The following ERICH1 variants were observed in gnomAD, a reference collection of about 807,000 sequenced individuals.
ERICH1 encodes the protein glutamate rich 1.
In ERICH1, 56 loss-of-function variants were observed where a neutral mutation model predicts 39.6. The observed-to-expected ratio is 1.41, with a 90% CI of 1.14 to 1.77. The LOEUF (loss-of-function observed/expected upper bound fraction) is 1.77, where lower values mean the gene tolerates loss of function less well. ERICH1 is among the 40% of genes most tolerant of loss of function. The pLI is 0.00. For synonymous variants in ERICH1, 313 were observed against 223.6 expected (o/e 1.40, Z -3.57); for missense variants, 826 against 575.4 (o/e 1.44, Z -4.45).
chr8:645,562 C>A (rs1408250370), intron 3 of ERICH1, among the ~76,000 whole-genome samples: 1 of 67,960 alleles, frequency 1.5e-5, no homozygotes, highest in Non-Finnish European at 4.6e-5. Context: ...AATCATCCTC[C>A]CATTGTTCCC....
chr8:707,208 C>CTTTTTTTTTTTT lies in ERICH1; in HGVS notation c.169+8641_169+8652dup, dbSNP rs71528615. On this transcript the variant is annotated intron_variant, in intron 2 of 5. Coordinates refer to ENST00000262109, the MANE Select transcript of ERICH1 (RefSeq NM_207332.3). ...TGTGGCCAACTGATTTTTTTTGTTT[C>CTTTTTTTTTTTT]TTTTTTTTTTTTTTTTTTAGACAGA... 1.5e-5 allele frequency among the ~76,000 whole-genome samples: 2 copies of CTTTTTTTTTTTT among 136,422 alleles called. 1 individual carries two copies. The highest frequency in any genetic ancestry group is 3.1e-5 in the Non-Finnish European group (2 of 64,142). The allele number at this position is 136,422 out of a possible 152,430, so 89.5% of individuals were successfully genotyped here. A position where few individuals can be genotyped will look rare whatever the true frequency, so the allele number is the denominator to read the frequency against.
At chr8:669,846 T>C (rs1189935255) in intron 4 of ERICH1, among the ~76,000 whole-genome samples, 1 of 152,260 alleles carries the variant, frequency 6.6e-6, no homozygotes, top group East Asian at 1.9e-4. Flanking sequence ...GCAGTATGAC[T>C]GCAATTCACT....
At chr8:622,213 T>C (rs993182817) in intron 3 of ERICH1, among the ~76,000 whole-genome samples, 4 of 152,098 alleles carry the variant, frequency 2.6e-5, no homozygotes, top group East Asian at 3.9e-4. Flanking sequence ...CAGAGCAAGA[T>C]TCTGTCTCAG....
chr8:708,504 A>G (rs1253017730), intron 2 of ERICH1, among the ~76,000 whole-genome samples: 1 of 152,284 alleles, frequency 6.6e-6, no homozygotes, highest in East Asian at 1.9e-4. Flanking sequence ...CTACAACATG[A>G]ATGAACCTTT....
At chr8:722,193 T>A in intron 1 of ERICH1, among the ~76,000 whole-genome samples, 5 of 139,906 alleles carry the variant, frequency 3.6e-5, no homozygotes, top group Admixed American at 7.0e-5. Context: ...CACCGGAAAA[T>A]AAAAAGGCAG....
intron 3 of ERICH1, among the ~76,000 whole-genome samples, chr8:688,351 G>C (rs1333462112): frequency 3.4e-5 from 2 of 58,058 alleles, no homozygotes; most frequent in Non-Finnish European, 7.5e-5. Context: ...TCTACGCTTA[G>C]CCCCACCTCG....
At chr8:671,651 G>C (rs1304414466) in intron 4 of ERICH1, 5 of 175,428 alleles carry the variant, frequency 2.9e-5, no homozygotes, top group African/African-American at 1.2e-4. Flanking sequence ...TCCGACCTCT[G>C]AACCTGCCGG....
chr8:685,212 T>C (rs1807034922), intron 3 of ERICH1, among the ~76,000 whole-genome samples: 1 of 152,188 alleles, frequency 6.6e-6, no homozygotes, highest in Admixed American at 6.5e-5. Context: ...ATTATTAATA[T>C]TCCTTACTGG....
rs1457995521 is a variant in ERICH1, at chr8:650,178, C to T, written c.976+18420G>A. ...CGTGTCCGGCACAGCGTGGAGCCCGCGTTCCTCTCTGCACTCAGGAGCTGC... is the reference window on the plus strand; with the variant it reads ...CGTGTCCGGCACAGCGTGGAGCCCGTGTTCCTCTCTGCACTCAGGAGCTGC... On this transcript the variant is annotated intron_variant, in intron 3 of 3. Transcript: ENST00000522706. Among the ~76,000 whole-genome samples the T allele has an allele frequency of 3.3e-5, 5 of 152,216 alleles. No individual in the cohort carries two copies. The East Asian group carries it at 9.6e-4, about 29-fold the overall frequency.
intron 3 of ERICH1, among the ~76,000 whole-genome samples, chr8:634,030 C>T (rs1472460244): frequency 6.6e-6 from 1 of 152,080 alleles, no homozygotes; most frequent in Non-Finnish European, 1.5e-5. Context: ...GACAGCGGGA[C>T]TGCGTGGAAA....
intron 2 of ERICH1, among the ~76,000 whole-genome samples, chr8:699,593 A>G (rs530110768): frequency 1.3e-5 from 2 of 150,110 alleles, no homozygotes; most frequent in East Asian, 1.9e-4. Flanking sequence ...TTTCCCTCCT[A>G]TTTTCATCAT....
intron 1 of ERICH1, among the ~76,000 whole-genome samples, chr8:719,920 C>A (rs1157213933): frequency 6.6e-6 from 1 of 152,180 alleles, no homozygotes; most frequent in Non-Finnish European, 1.5e-5. Context: ...GGACCTGGTG[C>A]CCTCCAGCCC....
At chr8:717,760 C>A (rs1816353860) in intron 1 of ERICH1, among the ~76,000 whole-genome samples, 1 of 152,216 alleles carries the variant, frequency 6.6e-6, no homozygotes, top group African/African-American at 2.4e-5. Flanking sequence ...CCTCCCCAGG[C>A]ACAGCTGCCT....
intron 3 of ERICH1, among the ~76,000 whole-genome samples, chr8:689,803 G>C (rs942184868): frequency 6.6e-6 from 1 of 152,176 alleles, no homozygotes; most frequent in African/African-American, 2.4e-5. Context: ...GCGGTATTTT[G>C]AGCACAACGT....
chr8:695,585 G>T (rs71514189), intron 2 of ERICH1, among the ~76,000 whole-genome samples: 2,038 of 31,794 alleles, frequency 0.064, 18 homozygotes, highest in Non-Finnish European at 0.08. Flanking sequence ...CGCCTGTGCT[G>T]GCTCCTCTCG....
chr8:715,204 G>A (rs1016787291), intron 2 of ERICH1, among the ~76,000 whole-genome samples: 5 of 151,878 alleles, frequency 3.3e-5, no homozygotes, highest in African/African-American at 1.2e-4. Context: ...CCACCCAGGT[G>A]GTCTCTTCTC....
In ERICH1 at chr8:673,677, G is replaced by GT. The variant is rs1563227513; in HGVS notation, c.674dup (p.Asp225GlufsTer3). 1.2e-6 allele frequency: 2 copies of GT among 1,612,582 alleles called. No individual in the cohort carries two copies. The highest frequency in any genetic ancestry group is 3.3e-5 in the Admixed American group (2 of 59,868). Reference sequence around the variant, plus strand: ...CATCTTCCTCCCTGGTATCTTTAACGTCTTCCTCCCCGGCCAGTGTCGGGT... The same window carrying GT: ...CATCTTCCTCCCTGGTATCTTTAACGTTCTTCCTCCCCGGCCAGTGTCGGGT... On this transcript the variant is annotated frameshift_variant, in exon 4 of 6. Transcript: ENST00000262109. LOFTEE classifies it high-confidence loss of function.
At chr8:631,877 G>T (rs1344317055) in intron 3 of ERICH1, among the ~76,000 whole-genome samples, 3 of 152,076 alleles carry the variant, frequency 2.0e-5, no homozygotes, top group African/African-American at 7.2e-5. Context: ...CCTTTGCTCA[G>T]TCAATGCTGT....
chr8:689,019 G>C (rs544399810), intron 3 of ERICH1, among the ~76,000 whole-genome samples: 1 of 152,194 alleles, frequency 6.6e-6, no homozygotes, highest in African/African-American at 2.4e-5. Context: ...TGATTAATCT[G>C]CAATAAAAGA....
Sources: allele counts gnomAD v4.1 joint callset (sites outside exome capture counted in the v4.1 genomes callset), GRCh38; gene constraint gnomAD v4.1.1; transcripts MANE v1.5; gene names NCBI Gene and HGNC (gene_info 2026-07-23, HGNC 2026-07-21).